Variants in PWWP2A observed in about 807,000 individuals in gnomAD.
PWWP2A encodes the protein PWWP domain containing 2A, also known as PWWP domain-containing protein 2A.
A neutral mutation model predicts 48.5 loss-of-function variants in PWWP2A; 18 were observed. The observed-to-expected ratio is 0.37, with a 90% confidence interval of 0.26 to 0.55. PWWP2A has a LOEUF of 0.55. Among genes scored for constraint, PWWP2A ranks in the 20% least tolerant of loss-of-function variants. The pLI is 0.81. For missense variants in PWWP2A, 867 were observed against 976.4 expected (o/e 0.89, Z 1.49); for synonymous variants, 396 against 387.7 (o/e 1.02, Z -0.25).
chr5:160,071,273 A>C (rs1039054982), downstream of PWWP2A, among the ~76,000 whole-genome samples: 5 of 152,226 alleles, frequency 3.3e-5, no homozygotes, highest in East Asian at 9.6e-4. Context: ...CTGGTAAGTA[A>C]CATTTCACTC....
intron 1 of PWWP2A, among the ~76,000 whole-genome samples, chr5:160,107,384 C>T (rs1224891276): frequency 6.6e-6 from 1 of 152,168 alleles, no homozygotes; most frequent in Non-Finnish European, 1.5e-5. Flanking sequence ...TCTCCAATTA[C>T]TTTCTTGCAA....
chr5:160,089,100 A>AT (rs1215113152), downstream of PWWP2A, among the ~76,000 whole-genome samples: 1 of 152,046 alleles, frequency 6.6e-6, no homozygotes, highest in African/African-American at 2.4e-5. Context: ...CTATTTACAG[A>AT]TTTTTTTCCC....
rs765097163 is a variant in PWWP2A at position 160,064,882 on chromosome 5, T to C, written c.*237-1209A>G. The C allele has an allele frequency of 3.2e-6, 5 of 1,574,596 alleles. No homozygotes were observed. In the South Asian group the frequency reaches 3.5e-5, roughly 11 times the overall value. On this transcript the variant is annotated intron_variant and NMD_transcript_variant, in intron 4 of 5. Transcript: ENST00000524050. ...AAGGCAAGATTAATTGGTACCTTCC[T>C]GCTTCTGTTCATTCCTGTATTCATT...
downstream of PWWP2A, among the ~76,000 whole-genome samples, chr5:160,089,208 T>C (rs1754874302): frequency 6.6e-6 from 1 of 152,136 alleles, no homozygotes; most frequent in African/African-American, 2.4e-5. Context: ...AGGGTTTTTT[T>C]TCAGAGCCAG....
intron 1 of PWWP2A, 107 bp downstream of exon 1, chr5:160,118,698 G>A: frequency 9.6e-6 from 11 of 1,144,874 alleles, no homozygotes; most frequent in Non-Finnish European, 1.1e-5. Context: ...CAGAGGGCGG[G>A]GCCCCGGGCA....
At chr5:160,104,122 C>CAAAAAAAAAA (rs70990703) in intron 1 of PWWP2A, among the ~76,000 whole-genome samples, 1,058 of 61,556 alleles carry the variant, frequency 0.017, 100 homozygotes, top group South Asian at 0.03. Context: ...GACTCTGTCT[C>CAAAAAAAAAA]AAAAAAAAAA....
chr5:160,113,404 A>G, intron 1 of PWWP2A: 1 of 868,996 alleles, frequency 1.2e-6, no homozygotes, highest in Non-Finnish European at 1.4e-6. Flanking sequence ...TCATCCACAC[A>G]TATATTAAAT....
At chr5:160,102,110 C>CAAAAAA (rs61608471) in intron 1 of PWWP2A, among the ~76,000 whole-genome samples, 4 of 59,024 alleles carry the variant, frequency 6.8e-5, no homozygotes, top group African/African-American at 2.5e-4. Flanking sequence ...AACTTGGTGT[C>CAAAAAA]AAAAAAAAAA....
At chr5:160,055,625 A>T in the PWWP2A span, among the ~76,000 whole-genome samples, 1 of 152,234 alleles carries the variant, frequency 6.6e-6, no homozygotes, top group African/African-American at 2.4e-5. Flanking sequence ...TTTAAGATGG[A>T]GCTCAGCAAT....
rs193130581 is a variant in PWWP2A, at chr5:160,092,299, C to T, written c.*83G>A. On this transcript the variant is annotated 3_prime_UTR_variant, in exon 2 of 2. Transcript: ENST00000307063. Reference sequence around the variant, plus strand: ...GCAACTTCTCTCTCCAATCTGGCCACGCTATTTTGTAGAAATTATTCCTAA... The same window carrying T: ...GCAACTTCTCTCTCCAATCTGGCCATGCTATTTTGTAGAAATTATTCCTAA... 12 of 1,450,770 alleles carry T rather than the reference C, an allele frequency of 8.3e-6. No individual in the cohort carries two copies. Among genetic ancestry groups the T allele is most frequent in the Admixed American group, 2.8e-5 (1 of 35,366 alleles). The allele number at this position is 1,450,770 out of a possible 1,614,324, so 89.9% of individuals were successfully genotyped here.
intron 1 of PWWP2A, among the ~76,000 whole-genome samples, chr5:160,110,152 C>G (rs1394334524): frequency 6.6e-6 from 1 of 151,522 alleles, no homozygotes; most frequent in Non-Finnish European, 1.5e-5. Flanking sequence ...TCCCGAGTAG[C>G]TGGGATTACA....
downstream of PWWP2A, among the ~76,000 whole-genome samples, chr5:160,060,770 C>G (rs886913134): frequency 3.3e-5 from 5 of 152,198 alleles, no homozygotes; most frequent in Admixed American, 2.0e-4. Flanking sequence ...CTGTCATCGG[C>G]ACAAACAGCA....
In PWWP2A at chr5:160,093,975, G is replaced by C. The variant is rs760754386; in HGVS notation, c.675C>G (p.Phe225Leu). 3.7e-6 allele frequency: 6 copies of C among 1,613,892 alleles called. No homozygotes were observed. Among genetic ancestry groups the C allele is most frequent in the Non-Finnish European group, 5.1e-6 (6 of 1,179,904 alleles). The change falls in exon 2 of 2, where the codon TTC becomes TTG. Residue 225 changes from phenylalanine to leucine, a missense_variant. This residue lies in a region of PWWP2A where 385 missense variants were observed against 396.9 expected (regional missense o/e 0.97). Transcript: ENST00000307063. This position sits in a 1 kb window ranked among gnomAD's most constrained non-coding sequence, Gnocchi z 5.8. ...CACACTTGACTTCTGTCCCTTCTTG[G>C]AATGTATTACTTTGGAGCGGCATGG... ...PEAMPLQSNTFQEGTEVKCEA... is the reference protein window; with the variant it reads ...PEAMPLQSNTLQEGTEVKCEA...
chr5:160,067,396 A>G (rs947655069), intron 2 of PWWP2A, among the ~76,000 whole-genome samples: 23 of 152,236 alleles, frequency 1.5e-4, no homozygotes, highest in Non-Finnish European at 2.5e-4. Flanking sequence ...CTACTGTCAC[A>G]TCGTGCCTTG....
intron 1 of PWWP2A, among the ~76,000 whole-genome samples, chr5:160,113,951 GC>G (rs1428227834): frequency 6.6e-6 from 1 of 152,026 alleles, no homozygotes; most frequent in Non-Finnish European, 1.5e-5. Context: ...AAGTTAACTG[GC>G]CAAATTAAAT....
the PWWP2A span, among the ~76,000 whole-genome samples, chr5:160,055,492 C>T: frequency 6.6e-6 from 1 of 152,212 alleles, no homozygotes; most frequent in Non-Finnish European, 1.5e-5. Context: ...AGTTGCAAAG[C>T]AAGTTAACCT....
chr5:160,061,487 A>G (rs1002028625), downstream of PWWP2A, among the ~76,000 whole-genome samples: 1 of 152,234 alleles, frequency 6.6e-6, no homozygotes, highest in African/African-American at 2.4e-5. Context: ...CACACATAGC[A>G]AGGTGCCACA....
intron 1 of PWWP2A, among the ~76,000 whole-genome samples, chr5:160,107,761 G>C (rs559105519): frequency 2.6e-4 from 40 of 152,014 alleles, no homozygotes; most frequent in Non-Finnish European, 3.8e-4. Context: ...GCTCATGCCT[G>C]TAATCCCAGC....
chr5:160,069,975 CTTTTCCAG>C (rs944541276), intron 2 of PWWP2A, among the ~76,000 whole-genome samples: 2 of 152,220 alleles, frequency 1.3e-5, no homozygotes, highest in African/African-American at 4.8e-5. Flanking sequence ...ATCGTAACTA[CTTTTCCAG>C]TTTTCACAGA....
Sources: gnomAD v4.1 joint callset for allele counts (sites outside exome capture counted in the v4.1 genomes callset) on GRCh38, gnomAD v4.1.1 for gene constraint, gnomAD v4.1.1 regional missense constraint, Gnocchi (gnomAD v3.1) non-coding constraint, MANE v1.5 for transcripts, NCBI Gene and HGNC (gene_info 2026-07-23, HGNC 2026-07-21) for gene names.